The following SCAF8 variants were observed in gnomAD, a reference collection of about 807,000 sequenced individuals.
The protein encoded by SCAF8 is SR-related CTD associated factor 8, also known as SR-related and CTD-associated factor 8.
Under a neutral mutation model 140.5 loss-of-function variants are expected in SCAF8, and 23 were observed. The ratio of observed to expected loss-of-function variants is 0.16; its 90% CI spans 0.12 to 0.23. The LOEUF is 0.23. Among genes scored for constraint, SCAF8 ranks in the 10% least tolerant of loss-of-function variants. The pLI is 1.00. For synonymous variants in SCAF8, 575 were observed against 528.9 expected, an observed-to-expected ratio of 1.09 and a Z score of -1.20; for missense variants, 1,397 against 1,555.7, an observed-to-expected ratio of 0.90 and a Z score of 1.72.
At chr6:154,792,772 C>G (rs1461040566) in intron 4 of SCAF8, 51 bp from the exon 5 acceptor site, 2 of 1,355,476 alleles carry the variant, frequency 1.5e-6, no homozygotes, top group African/African-American at 1.5e-5. Flanking sequence ...AATGACTGTA[C>G]TAAGGTTTTG....
chr6:154,805,462 C>G lies in SCAF8; in HGVS notation c.957C>G (p.Leu319=), dbSNP rs749220017. 1.9e-5 allele frequency: 30 copies of G among 1,607,344 alleles called. No homozygotes were observed. The highest frequency in any genetic ancestry group is 2.3e-5 in the Non-Finnish European group (27 of 1,174,962). ...ACCTAGAACATCTCAGACAGCAGCTCTTGGAGCAGCAACAGCCTCAAAAGG... is the reference window on the plus strand; with the variant it reads ...ACCTAGAACATCTCAGACAGCAGCTGTTGGAGCAGCAACAGCCTCAAAAGG... ...QQNLEHLRQQ[L]LEQQQPQKAT... Residue 319 remains leucine, a synonymous_variant, in exon 9 of 20, where the codon CTC becomes CTG. Transcript: ENST00000367178.
intron 12 of SCAF8, among the ~76,000 whole-genome samples, chr6:154,814,999 C>T (rs1412595647): frequency 7.2e-5 from 11 of 152,092 alleles, no homozygotes; most frequent in Non-Finnish European, 1.3e-4. Context: ...TACAGAAAGA[C>T]GCTTAAAAGG....
rs778928605 is a variant in SCAF8, at chr6:154,810,096, A to G, written c.1308A>G (p.Arg436=). 5.6e-6 allele frequency: 9 copies of G among 1,613,902 alleles called. No homozygotes were observed. The East Asian group carries it at 1.8e-4, about 32-fold the overall frequency. Residue 436 remains arginine, a synonymous_variant, in exon 12 of 20, where the codon AGA becomes AGG. Transcript: ENST00000367178. ...GAAAGCGATCACGCTCCCGCTCAAG[A>G]GAAAGAAAGAGGAAATCATCACGGT... The part of the protein sequence containing the change: ...KHRKRSRSRS[R]ERKRKSSRSY...
chr6:154,759,180 A>G (rs1398612094), intron 1 of SCAF8, among the ~76,000 whole-genome samples: 2 of 152,176 alleles, frequency 1.3e-5, no homozygotes, highest in African/African-American at 4.8e-5. Context: ...AGTTGTCATC[A>G]GTGCGAAAGC....
intron 1 of SCAF8, among the ~76,000 whole-genome samples, chr6:154,742,942 G>A (rs943723853): frequency 7.4e-6 from 1 of 135,444 alleles, no homozygotes; most frequent in African/African-American, 2.7e-5. Flanking sequence ...AACATGTATC[G>A]CGGCCTAGGG....
intron 1 of SCAF8, among the ~76,000 whole-genome samples, chr6:154,749,443 G>A (rs1778786400): frequency 6.6e-6 from 1 of 152,078 alleles, no homozygotes; most frequent in Non-Finnish European, 1.5e-5. Context: ...CATTCTGCAG[G>A]GTAGTCCGCA....
chr6:154,753,048 G>T (rs1253140710), intron 1 of SCAF8, among the ~76,000 whole-genome samples: 4 of 151,954 alleles, frequency 2.6e-5, no homozygotes, highest in Non-Finnish European at 5.9e-5. Flanking sequence ...TATAAAGTGG[G>T]CCGGGCATGG....
intron 17 of SCAF8, among the ~76,000 whole-genome samples, chr6:154,825,811 G>A (rs972680315): frequency 6.6e-6 from 1 of 151,994 alleles, no homozygotes; most frequent in African/African-American, 2.4e-5. Context: ...ACCGCGCACA[G>A]CCTAAAAGCC....
chr6:154,797,247 T>C (rs1302818710), intron 6 of SCAF8, among the ~76,000 whole-genome samples: 2 of 151,482 alleles, frequency 1.3e-5, no homozygotes, highest in Non-Finnish European at 3.0e-5. Flanking sequence ...TTGAAGTTTA[T>C]GCTTGCTTTT....
chr6:154,829,775 C>T (rs967573469), intron 18 of SCAF8, among the ~76,000 whole-genome samples: 2 of 152,010 alleles, frequency 1.3e-5, no homozygotes, highest in African/African-American at 4.8e-5. Context: ...GGTGTGGTGG[C>T]GCACGCCTGT....
intron 17 of SCAF8, among the ~76,000 whole-genome samples, chr6:154,825,655 CAAAAAAAA>C (rs34342159): frequency 1.6e-5 from 1 of 64,352 alleles, no homozygotes; most frequent in Non-Finnish European, 2.9e-5. Flanking sequence ...GACCTTGTCT[CAAAAAAAA>C]AAAAAAAAAA....
At chr6:154,790,042 A>G (rs951762193) in intron 4 of SCAF8, among the ~76,000 whole-genome samples, 6 of 152,146 alleles carry the variant, frequency 3.9e-5, no homozygotes, top group African/African-American at 1.2e-4. Context: ...GAATGTGTAG[A>G]TTTCATAATA....
chr6:154,759,636 G>A (rs1359148925), intron 1 of SCAF8, among the ~76,000 whole-genome samples: 1 of 151,316 alleles, frequency 6.6e-6, no homozygotes, highest in African/African-American at 2.4e-5. Context: ...ATGACATCTG[G>A]ATATTAGAAT....
chr6:154,827,217 C>A lies in SCAF8; in HGVS notation c.2117C>A (p.Thr706Lys), dbSNP rs775768409. Residue 706 changes from threonine (T) to lysine (K), a missense_variant, in exon 18 of 20, where the codon ACG (threonine) becomes AAG (lysine). Physicochemically the swap from Thr to Lys is moderately conservative, Grantham distance 78. Transcript: ENST00000367178. ...CCCCCACCTGTTGTGCCACCCCCTA[C>A]GATTCCACCAGTAGTACCAACATGT... ...PVPPPVVPPP[T>K]IPPVVPTSLV... The A allele has an allele frequency of 5.0e-6, 8 of 1,604,732 alleles. No homozygotes were observed. The highest frequency in any genetic ancestry group is 6.8e-6 in the Non-Finnish European group (8 of 1,176,040).
chr6:154,752,763 C>G (rs1018526315), intron 1 of SCAF8, among the ~76,000 whole-genome samples: 1 of 152,034 alleles, frequency 6.6e-6, no homozygotes, highest in African/African-American at 2.4e-5. Context: ...ACTCTGTCGC[C>G]CAGGCTAGCA....
intron 16 of SCAF8, 100 bp downstream of exon 16, chr6:154,822,509 T>C (rs2114678202): frequency 1.6e-6 from 2 of 1,228,602 alleles, no homozygotes; most frequent in Non-Finnish European, 2.3e-6. Context: ...ATCTCCATAT[T>C]AGAATAAATG....
chr6:154,832,960 C>CT lies in SCAF8; in HGVS notation c.3382dup (p.Tyr1128LeufsTer4). Reference sequence around the variant, plus strand: ...AAAGAGGTAGATTTCGGTCTGGAAACTATCGATTTGATCCTAGAAGTGGTC... The same window carrying CT: ...AAAGAGGTAGATTTCGGTCTGGAAACTTATCGATTTGATCCTAGAAGTGGTC... On this transcript the variant is annotated frameshift_variant, in exon 20 of 20. Coordinates refer to ENST00000367178, the MANE Select transcript of SCAF8 (RefSeq NM_014892.5). LOFTEE classifies it high-confidence loss of function. The CT allele has an allele frequency of 6.2e-7, 1 of 1,614,100 alleles. No individual in the cohort carries two copies. The highest frequency in any genetic ancestry group is 8.5e-7 in the Non-Finnish European group (1 of 1,180,006).
At chr6:154,802,439 T>G (rs1015994147) in intron 7 of SCAF8, among the ~76,000 whole-genome samples, 2 of 151,952 alleles carry the variant, frequency 1.3e-5, no homozygotes, top group African/African-American at 4.8e-5. Context: ...CTGGCAAACA[T>G]GGTGAAACCC....
chr6:154,799,486 A>G (rs1209416355), intron 6 of SCAF8, among the ~76,000 whole-genome samples: 2 of 151,052 alleles, frequency 1.3e-5, no homozygotes, highest in African/African-American at 2.4e-5. Flanking sequence ...TCCCTTCCCA[A>G]CATTTTCTAT....
Sources: allele counts gnomAD v4.1 joint callset (sites outside exome capture counted in the v4.1 genomes callset), GRCh38; gene constraint gnomAD v4.1.1; transcripts MANE v1.5; gene names NCBI Gene and HGNC (gene_info 2026-07-23, HGNC 2026-07-21).